The following GLIS3 variants were observed in gnomAD, a reference collection of about 807,000 sequenced individuals.
The protein encoded by GLIS3 is zinc finger protein GLIS3.
In GLIS3, 53 loss-of-function variants were observed where a neutral mutation model predicts 78.6. The ratio of observed to expected loss-of-function variants is 0.67; its 90% confidence interval spans 0.54 to 0.85. The LOEUF is 0.85. Ranked by LOEUF, GLIS3 falls within the 40% of genes least tolerant of loss-of-function variation. GLIS3 has a pLI of 0.00. For synonymous variants in GLIS3, 684 were observed against 509.9 expected (o/e 1.34, Z -4.60); for missense variants, 1,703 against 1,231.1 (o/e 1.38, Z -5.74).
chr9:4,042,966 G>C (rs1317115827), intron 4 of GLIS3, among the ~76,000 whole-genome samples: 1 of 149,474 alleles, frequency 6.7e-6, no homozygotes, highest in Non-Finnish European at 1.5e-5. Context: ...AAAAAAAAAA[G>C]GTACAGTGAA....
At chr9:4,084,869 G>T (rs1273736238) in intron 4 of GLIS3, among the ~76,000 whole-genome samples, 1 of 151,772 alleles carries the variant, frequency 6.6e-6, no homozygotes, top group Admixed American at 6.6e-5. Flanking sequence ...CAAAATGCTT[G>T]GCATTGTGTT....
chr9:4,473,771 C>G, the GLIS3 span, among the ~76,000 whole-genome samples: 1 of 151,934 alleles, frequency 6.6e-6, no homozygotes, highest in Non-Finnish European at 1.5e-5. Flanking sequence ...ACATGCACCC[C>G]TAAACTTAAA....
chr9:4,466,587 C>T, the GLIS3 span, among the ~76,000 whole-genome samples: 6 of 152,108 alleles, frequency 3.9e-5, no homozygotes, highest in African/African-American at 1.4e-4. Flanking sequence ...GATAATACAT[C>T]ATAACCAATG....
chr9:4,128,415 G>T (rs571481601), intron 2 of GLIS3, among the ~76,000 whole-genome samples: 1 of 152,316 alleles, frequency 6.6e-6, no homozygotes, highest in South Asian at 2.1e-4. Flanking sequence ...CTTGTTTGAA[G>T]CATCTCTACT....
chr9:4,068,691 C>A (rs1279636876), intron 4 of GLIS3, among the ~76,000 whole-genome samples: 7 of 152,120 alleles, frequency 4.6e-5, no homozygotes, highest in Non-Finnish European at 1.0e-4. Flanking sequence ...CATGTACATA[C>A]AAATGGCCTC....
intron 4 of GLIS3, among the ~76,000 whole-genome samples, chr9:3,994,458 T>C (rs2129828393): frequency 6.6e-6 from 1 of 152,332 alleles, no homozygotes; most frequent in African/African-American, 2.4e-5. Flanking sequence ...GTATGTCTTC[T>C]TTAAAGTGAG....
chr9:4,163,672 C>T (rs989668168), intron 2 of GLIS3, among the ~76,000 whole-genome samples: 3 of 152,336 alleles, frequency 2.0e-5, no homozygotes, highest in East Asian at 1.9e-4. Flanking sequence ...TGAGTAGCTA[C>T]ACTTCAGTAT....
chr9:3,964,405 G>T (rs976282538), intron 4 of GLIS3, among the ~76,000 whole-genome samples: 1 of 151,978 alleles, frequency 6.6e-6, no homozygotes, highest in Non-Finnish European at 1.5e-5. Flanking sequence ...TTTAACAAAA[G>T]GTCAAGACGT....
chr9:4,144,604 G>C (rs1834067398), intron 2 of GLIS3, among the ~76,000 whole-genome samples: 1 of 152,148 alleles, frequency 6.6e-6, no homozygotes, highest in African/African-American at 2.4e-5. Context: ...AGGAAATAAA[G>C]CTGTAATACA....
chr9:3,900,543 C>G (rs1823217235), intron 6 of GLIS3, among the ~76,000 whole-genome samples: 1 of 152,010 alleles, frequency 6.6e-6, no homozygotes, highest in South Asian at 2.1e-4. Context: ...ATAGCAATAC[C>G]TAATCAGAAA....
chr9:4,143,691 A>G (rs758696073), intron 2 of GLIS3, among the ~76,000 whole-genome samples: 4 of 152,218 alleles, frequency 2.6e-5, no homozygotes, highest in African/African-American at 4.8e-5. Flanking sequence ...TCTTGCATAC[A>G]CTGAAACTTC....
chr9:4,377,794 G>C, the GLIS3 span, among the ~76,000 whole-genome samples: 6 of 152,010 alleles, frequency 3.9e-5, no homozygotes, highest in Non-Finnish European at 5.9e-5. Context: ...ACTTGTTTAG[G>C]CAATATTTAC....
chr9:4,306,086 T>C (rs1489206609), intron 4 of GLIS3: 1 of 152,216 alleles, frequency 6.6e-6, no homozygotes, highest in East Asian at 1.9e-4. Flanking sequence ...TGTTGTTTTT[T>C]GTTTTTGTTT....
Position 4,125,956 on chromosome 9 carries a change from A to C in GLIS3, c.389-15T>G. ...GCCAAGAGCCCCTAAAAACAAATGAATCAGGTTAGCTTTCATGTCCCTTAC... is the reference window on the plus strand; with the variant it reads ...GCCAAGAGCCCCTAAAAACAAATGACTCAGGTTAGCTTTCATGTCCCTTAC... On this transcript the variant is annotated splice_polypyrimidine_tract_variant and intron_variant, in intron 2 of 10. Transcript: ENST00000381971. 1.9e-6 allele frequency: 3 copies of C among 1,603,630 alleles called. No homozygotes were observed. The highest frequency in any genetic ancestry group is 2.6e-6 in the Non-Finnish European group (3 of 1,170,652).
At position 4,295,435 on chromosome 9, in the gene GLIS3, C is replaced by T. The variant is rs141065821; in HGVS notation, c.-99+3986G>A. On this transcript the variant is annotated intron_variant, in intron 1 of 10. Coordinates refer to ENST00000381971, the MANE Select transcript of GLIS3 (RefSeq NM_001042413.2). ...GCCTCACTAATTTCTGCAAGCCAGA[C>T]TGTTTCCATCATCTTTAAAGGGGGA... Among the ~76,000 whole-genome samples the T allele has an allele frequency of 1.1e-4, 16 of 152,310 alleles. No homozygotes were observed. In the East Asian group the frequency reaches 3.1e-3, roughly 29 times the overall value.
chr9:4,426,966 T>C, the GLIS3 span, among the ~76,000 whole-genome samples: 1 of 152,190 alleles, frequency 6.6e-6, no homozygotes, highest in Non-Finnish European at 1.5e-5. Flanking sequence ...AACTGTAGAG[T>C]GGATGAGGAC....
chr9:4,215,486 A>G (rs1820746767), intron 2 of GLIS3, among the ~76,000 whole-genome samples: 1 of 152,134 alleles, frequency 6.6e-6, no homozygotes, highest in African/African-American at 2.4e-5. Flanking sequence ...GAAGGAAAAA[A>G]ATCTGTTTGG....
intron 2 of GLIS3, among the ~76,000 whole-genome samples, chr9:4,230,600 G>C (rs1027304189): frequency 6.6e-6 from 1 of 152,224 alleles, no homozygotes; most frequent in South Asian, 2.1e-4. Flanking sequence ...CTGCTTACTC[G>C]ATGCATCTGT....
chr9:4,297,177 G>A (rs1191124257), intron 1 of GLIS3, among the ~76,000 whole-genome samples: 1 of 152,138 alleles, frequency 6.6e-6, no homozygotes, highest in African/African-American at 2.4e-5. Context: ...CAAGACAGAG[G>A]GTGAAACAGA....
Sources: allele counts gnomAD v4.1 joint callset (sites outside exome capture counted in the v4.1 genomes callset), GRCh38; gene constraint gnomAD v4.1.1; transcripts MANE v1.5; gene names NCBI Gene and HGNC (gene_info 2026-07-23, HGNC 2026-07-21).